CILK1: variants seen among roughly 807,000 people sequenced by gnomAD.
CILK1 encodes serine/threonine-protein kinase ICK.
A neutral mutation model predicts 79.2 loss-of-function variants in CILK1; 47 were observed. The observed-to-expected ratio is 0.59, with a 90% confidence interval of 0.47 to 0.76. The LOEUF (loss-of-function observed/expected upper bound fraction) is 0.76, where lower values mean the gene tolerates loss of function less well. CILK1 is among the 30% of genes least tolerant of loss of function. CILK1 has a pLI of 0.00. For synonymous variants in CILK1, 266 were observed against 275.9 expected, an observed-to-expected ratio of 0.96 and a Z score of 0.36; for missense variants, 660 against 769.5, an observed-to-expected ratio of 0.86 and a Z score of 1.68.
intron 12 of CILK1, 52 bp from the exon 13 acceptor site, chr6:53,006,489 A>G (rs1561999805): frequency 6.2e-7 from 1 of 1,602,826 alleles, no homozygotes; most frequent in Non-Finnish European, 8.5e-7. Context: ...TACCCAGGAC[A>G]CCAACAAGGT....
chr6:53,001,456 TATGA>T lies in CILK1; in HGVS notation c.*3689_*3692del, dbSNP rs1304914987. The T allele has an allele frequency of 1.3e-5, 2 of 152,480 alleles. No homozygotes were observed. The highest frequency in any genetic ancestry group is 1.3e-4 in the Admixed American group (2 of 15,292). The allele number at this position is 152,480 out of a possible 1,614,324, so 9.4% of individuals were successfully genotyped here. On this transcript the variant is annotated 3_prime_UTR_variant, in exon 14 of 14. Coordinates refer to ENST00000676107, the MANE Select transcript of CILK1 (RefSeq NM_014920.5). ...TGGTTTTCTGAATTCTTCTCGTTAT[TATGA>T]ATATGTGCTTTATAAATAAATATAT... is the stretch of plus-strand genomic sequence containing the variant.
rs1764610560 is a variant in CILK1, at chr6:53,012,145, G to A, written c.1235C>T (p.Thr412Ile). 1.2e-6 allele frequency: 2 copies of A among 1,614,028 alleles called. No homozygotes were observed. Among genetic ancestry groups the A allele is most frequent in the East Asian group, 2.2e-5 (1 of 44,892 alleles). Reference sequence around the variant, plus strand: ...GTCAGCCCAATCATCTGAATCCTTTGTTGACCTGGAAATAAGACCCCACCT... The same window carrying A: ...GTCAGCCCAATCATCTGAATCCTTTATTGACCTGGAAATAAGACCCCACCT... The part of the protein sequence containing the change: ...RRRWGLISRS[T>I]KDSDDWADLD... Residue 412 changes from threonine (T) to isoleucine (I), a missense_variant, in exon 10 of 14, where the codon ACA (threonine) becomes ATA (isoleucine). By Grantham distance (89) the Thr-to-Ile change is moderately conservative. Transcript: ENST00000676107.
In CILK1 at chr6:53,006,309, A is replaced by G. The variant is rs1328630330; in HGVS notation, c.1744+6T>C. On this transcript the variant is annotated splice_donor_region_variant and intron_variant, in intron 13 of 13. Transcript: ENST00000676107. The stretch of plus-strand genomic sequence containing the variant: ...AAATTCATGAATAATTTAAAATACA[A>G]CTCACCAGGGGAAGGGTCTGGAATA... The G allele has an allele frequency of 4.3e-6, 7 of 1,613,170 alleles. No individual in the cohort carries two copies. The South Asian group carries it at 7.7e-5, about 18-fold the overall frequency.
chr6:53,012,769 C>T (rs538119175), intron 9 of CILK1, among the ~76,000 whole-genome samples: 5 of 152,212 alleles, frequency 3.3e-5, no homozygotes, highest in Non-Finnish European at 7.4e-5. Context: ...ACCCTTGCAT[C>T]TCACATTGTG....
intron 11 of CILK1, among the ~76,000 whole-genome samples, chr6:53,009,851 G>A (rs1033352149): frequency 2.6e-5 from 4 of 152,102 alleles, no homozygotes; most frequent in African/African-American, 9.7e-5. Flanking sequence ...TGGACATGCT[G>A]TTCTTCCCCT....
At chr6:53,044,770 C>A (rs1041006248) in intron 1 of CILK1, among the ~76,000 whole-genome samples, 17 of 152,122 alleles carry the variant, frequency 1.1e-4, no homozygotes, top group Admixed American at 7.2e-4. Context: ...TACAATAGGG[C>A]TAGTGTCTTT....
chr6:53,006,737 A>G (rs1432297127), intron 12 of CILK1, among the ~76,000 whole-genome samples: 1 of 152,230 alleles, frequency 6.6e-6, no homozygotes, highest in Non-Finnish European at 1.5e-5. Context: ...CTTTTGTAAA[A>G]GTAGATTTAG....
Position 53,005,049 on chromosome 6 carries a change from G to A in CILK1, c.*100C>T. ...AAGAATAACTATAAAGTGTTGATTTGCTTTTATGCCCTCTGCACATCTTGC... is the reference window on the plus strand; with the variant it reads ...AAGAATAACTATAAAGTGTTGATTTACTTTTATGCCCTCTGCACATCTTGC... On this transcript the variant is annotated 3_prime_UTR_variant, in exon 14 of 14. Coordinates refer to ENST00000676107, the MANE Select transcript of CILK1 (RefSeq NM_014920.5). 1 of 1,326,640 alleles carries A rather than the reference G, an allele frequency of 7.5e-7. No homozygotes were observed. Among genetic ancestry groups the A allele is most frequent in the South Asian group, 1.2e-5 (1 of 84,906 alleles). The allele number at this position is 1,326,640 out of a possible 1,614,324, so 82.2% of individuals were successfully genotyped here.
At chr6:53,043,134 G>A (rs1217619120) in intron 1 of CILK1, among the ~76,000 whole-genome samples, 1 of 151,972 alleles carries the variant, frequency 6.6e-6, no homozygotes, top group Non-Finnish European at 1.5e-5. Context: ...TGGCCAACAT[G>A]GTGAAACCCC....
chr6:53,009,560 A>G lies in CILK1; in HGVS notation c.1500T>C (p.Ser500=). 6.2e-7 allele frequency: 1 copy of G among 1,606,408 alleles called. No homozygotes were observed. The highest frequency in any genetic ancestry group is 8.5e-7 in the Non-Finnish European group (1 of 1,172,958). Residue 500 remains serine, a synonymous_variant, in exon 12 of 14, where the codon AGT becomes AGC. Transcript: ENST00000676107. ...LKHSRYLPGI[S]IRNGILSNPG... ...GATTCGAGAGTATGCCATTTCTTAT[A>G]CTGATCCCTGATAGAGAAGAAATGA...
At chr6:53,009,727 G>A (rs534922164) in intron 11 of CILK1, among the ~76,000 whole-genome samples, 160 bp from the exon 12 acceptor site, 11 of 152,320 alleles carry the variant, frequency 7.2e-5, no homozygotes, top group African/African-American at 2.2e-4. Flanking sequence ...ACAGATGTCC[G>A]AGGAAAGATA....
chr6:53,050,859 T>C (rs747344151), intron 1 of CILK1, among the ~76,000 whole-genome samples: 10 of 152,152 alleles, frequency 6.6e-5, no homozygotes, highest in Admixed American at 1.3e-4. Flanking sequence ...TAAAAAAGCA[T>C]ATAAATATGC....
chr6:53,042,379 T>A (rs1416934909), intron 1 of CILK1, among the ~76,000 whole-genome samples: 1 of 152,208 alleles, frequency 6.6e-6, no homozygotes, highest in Non-Finnish European at 1.5e-5. Flanking sequence ...TTTCGCTAAA[T>A]ATACTGTGTT....
intron 1 of CILK1, among the ~76,000 whole-genome samples, chr6:53,058,156 C>T (rs1768063721): frequency 6.6e-6 from 1 of 152,106 alleles, no homozygotes; most frequent in Non-Finnish European, 1.5e-5. Context: ...GGAATAGAAG[C>T]CTTCTGTTTG....
Position 53,016,167 on chromosome 6 carries a change from C to G in CILK1, c.747G>C (p.Leu249Phe). Residue 249 changes from leucine to phenylalanine, a missense_variant, in exon 8 of 14, where the codon TTG becomes TTC. Physicochemically the swap from Leu to Phe is conservative, Grantham distance 22. Coordinates refer to ENST00000676107, the MANE Select transcript of CILK1 (RefSeq NM_014920.5). ...PQCVPNNLKT[L>F]IPNASSEAVQ... ...CTGCTTCACTGCTAGCATTGGGAAT[C>G]AAGGTCTTTAAGTTATTGGGTACAC... 1 of 1,614,124 alleles carries G rather than the reference C, an allele frequency of 6.2e-7. No homozygotes were observed. Among genetic ancestry groups the G allele is most frequent in the South Asian group, 1.1e-5 (1 of 91,084 alleles).
At chr6:53,050,715 C>G (rs2127464284) in intron 1 of CILK1, among the ~76,000 whole-genome samples, 1 of 151,652 alleles carries the variant, frequency 6.6e-6, no homozygotes, top group African/African-American at 2.4e-5. Context: ...TTAGTCCTAG[C>G]TACTTATGGG....
chr6:53,012,311 T>C lies in CILK1; in HGVS notation c.1153-84A>G, dbSNP rs1391739319. 5 of 1,319,274 alleles carry C rather than the reference T, an allele frequency of 3.8e-6. No individual in the cohort carries two copies. The African/African-American group carries it at 4.3e-5, about 11-fold the overall frequency. The allele number at this position is 1,319,274 out of a possible 1,614,324, so 81.7% of individuals were successfully genotyped here. A position where few individuals can be genotyped will look rare whatever the true frequency, so the allele number is the denominator to read the frequency against. On this transcript the variant is annotated intron_variant, in intron 9 of 13. Transcript: ENST00000676107. ...GAGTAATCTCCATCTGAACTTTCTC[T>C]GCTATGCAAAGGAGGCTCCTGGGGC...
rs538227139 is a variant in CILK1 at position 53,042,333 on chromosome 6, T to G, written c.-172-925A>C. Reference sequence around the variant, plus strand: ...ACCATTCTGGGCAAACACTGAGAGATAACTGTGGTCGATGAAAATTGCCAA... The same window carrying G: ...ACCATTCTGGGCAAACACTGAGAGAGAACTGTGGTCGATGAAAATTGCCAA... On this transcript the variant is annotated intron_variant, in intron 1 of 13. Coordinates refer to ENST00000676107, the MANE Select transcript of CILK1 (RefSeq NM_014920.5). Among the ~76,000 whole-genome samples, 4 of 152,352 alleles carry G rather than the reference T, an allele frequency of 2.6e-5. No homozygotes were observed. The East Asian group carries it at 5.8e-4, about 22-fold the overall frequency.
intron 1 of CILK1, among the ~76,000 whole-genome samples, chr6:53,055,464 C>A (rs533030740): frequency 6.6e-6 from 1 of 152,322 alleles, no homozygotes; most frequent in African/African-American, 2.4e-5. Context: ...ATAGCAGTTA[C>A]AAAGCCAAAA....
Sources: allele counts gnomAD v4.1 joint callset (sites outside exome capture counted in the v4.1 genomes callset), GRCh38; gene constraint gnomAD v4.1.1; transcripts MANE v1.5; gene names NCBI Gene and HGNC (gene_info 2026-07-23, HGNC 2026-07-21).